Variants in ARHGEF26 observed in about 807,000 individuals in gnomAD.
ARHGEF26 encodes the protein Rho guanine nucleotide exchange factor (GEF) 26.
Under a neutral mutation model 89.4 loss-of-function variants are expected in ARHGEF26, and 59 were observed. That is an observed-to-expected ratio of 0.66 (90% CI 0.54 to 0.82). The LOEUF (loss-of-function observed/expected upper bound fraction) is 0.82. ARHGEF26 is among the 40% of genes least tolerant of loss of function. The pLI, the probability that ARHGEF26 is intolerant of heterozygous loss-of-function variation, is 0.00. For missense variants in ARHGEF26, 1,234 were observed against 1,085.6 expected (o/e 1.14, Z -1.92); for synonymous variants, 500 against 428.4 (o/e 1.17, Z -2.06).
At chr3:154,135,205 C>T (rs1718928073) in intron 4 of ARHGEF26, among the ~76,000 whole-genome samples, 1 of 152,052 alleles carries the variant, frequency 6.6e-6, no homozygotes, top group Non-Finnish European at 1.5e-5. Flanking sequence ...CTGCTTGGTC[C>T]TGGGCTTTTC....
intron 12 of ARHGEF26, among the ~76,000 whole-genome samples, chr3:154,243,004 G>C (rs143060307): frequency 1.3e-5 from 2 of 152,248 alleles, no homozygotes; most frequent in East Asian, 3.9e-4. Context: ...TGATCTGTGA[G>C]GTGACCAGCA....
At chr3:154,194,816 C>A in intron 9 of ARHGEF26, 98 bp downstream of exon 9, 2 of 1,001,530 alleles carry the variant, frequency 2.0e-6, no homozygotes, top group South Asian at 1.4e-5. Flanking sequence ...CTGGTAGAGT[C>A]TCACAGCCAT....
chr3:154,135,364 A>G (rs992530059), intron 4 of ARHGEF26, among the ~76,000 whole-genome samples: 11 of 152,062 alleles, frequency 7.2e-5, no homozygotes, highest in Non-Finnish European at 1.3e-4. Flanking sequence ...TTATGTGCCT[A>G]GAGGTATTCA....
In ARHGEF26 at chr3:154,122,113, C is replaced by T. The variant is rs1717974416; in HGVS notation, c.121C>T (p.Gln41Ter). 3 of 1,609,774 alleles carry T rather than the reference C, an allele frequency of 1.9e-6. No homozygotes were observed. The highest frequency in any genetic ancestry group is 1.7e-5 in the Admixed American group (1 of 59,426). Residue 41 changes from glutamine to a stop codon, truncating the protein, a stop_gained, in exon 2 of 15, where the codon CAG (glutamine) becomes TAG (stop). Transcript: ENST00000465093. LOFTEE classifies it high-confidence loss of function. ...GAGCAAGCCGAGGCCCCAGTCCTACCAGAGCCCCAACGGGTTACTAATTAC... is the reference window on the plus strand; with the variant it reads ...GAGCAAGCCGAGGCCCCAGTCCTACTAGAGCCCCAACGGGTTACTAATTAC... ...GRSKPRPQSYQSPNGLLITDF... is the reference protein window; with the variant it reads ...GRSKPRPQSY
intron 10 of ARHGEF26, among the ~76,000 whole-genome samples, chr3:154,222,775 G>A (rs2108255945): frequency 6.6e-6 from 1 of 152,192 alleles, no homozygotes; most frequent in Middle Eastern, 3.4e-3. Context: ...CAAAGTCAAG[G>A]GACCATTTTT....
chr3:154,203,835 GC>G (rs1253336683), intron 9 of ARHGEF26, among the ~76,000 whole-genome samples: 1 of 150,924 alleles, frequency 6.6e-6, no homozygotes, highest in Admixed American at 6.6e-5. Flanking sequence ...ATCCCGCTTG[GC>G]CATGATAATC....
intron 9 of ARHGEF26, among the ~76,000 whole-genome samples, chr3:154,205,332 T>G (rs372244839): frequency 3.3e-5 from 5 of 152,260 alleles, no homozygotes; most frequent in Non-Finnish European, 5.9e-5. Context: ...CTCCTGTTTT[T>G]TTTTGTTTTG....
chr3:154,257,065 G>GCTAA lies in ARHGEF26; in HGVS notation c.*1596_*1599dup. On this transcript the variant is annotated 3_prime_UTR_variant, in exon 15 of 15. Transcript: ENST00000465093. ...ATGTGACATGTCCCAACTACTGTCC[G>GCTAA]CTAACTAGTTATCCAAATTGTAAAG... 5.2e-6 allele frequency: 7 copies of GCTAA among 1,345,854 alleles called. No individual in the cohort carries two copies. The highest frequency in any genetic ancestry group is 3.2e-5 in the Admixed American group (1 of 31,262). 83.4% of individuals were successfully genotyped at this position (1,345,854 alleles called of 1,614,324 possible). A position where few individuals can be genotyped will look rare whatever the true frequency, so the allele number is the denominator to read the frequency against.
rs561292731 is a variant in ARHGEF26, at chr3:154,245,688, C to T, written c.2300+5109C>T. On this transcript the variant is annotated intron_variant, in intron 12 of 14. Transcript: ENST00000465093. ...TTCCCCTCATGTTTTCTGTCTCACC[C>T]ACCCTCCACTGTATGACTCCAAACT... Among the ~76,000 whole-genome samples the T allele has an allele frequency of 5.3e-5, 8 of 152,322 alleles. No homozygotes were observed. In the South Asian group the frequency reaches 1.5e-3, roughly 28 times the overall value.
At chr3:154,242,087 G>C (rs1315220071) in intron 12 of ARHGEF26, among the ~76,000 whole-genome samples, 1 of 152,216 alleles carries the variant, frequency 6.6e-6, no homozygotes, top group African/African-American at 2.4e-5. Flanking sequence ...GGCACTAGAA[G>C]TAGCATTTCA....
intron 5 of ARHGEF26, among the ~76,000 whole-genome samples, chr3:154,152,428 GTTAA>G (rs1720077675): frequency 1.3e-5 from 2 of 152,222 alleles, no homozygotes; most frequent in African/African-American, 4.8e-5. Flanking sequence ...GACCCCAAAG[GTTAA>G]TTAATGTCTC....
At chr3:154,246,227 CAG>C (rs1328240263) in intron 12 of ARHGEF26, among the ~76,000 whole-genome samples, 2 of 152,100 alleles carry the variant, frequency 1.3e-5, no homozygotes, top group African/African-American at 2.4e-5. Context: ...TAGGAAAATG[CAG>C]AGTCAGAATG....
At chr3:154,192,869 G>A (rs1714036531) in intron 8 of ARHGEF26, among the ~76,000 whole-genome samples, 1 of 152,124 alleles carries the variant, frequency 6.6e-6, no homozygotes, top group South Asian at 2.1e-4. Context: ...TAAATAAAAT[G>A]CATTTTAAAC....
chr3:154,146,898 A>T (rs543379165), intron 4 of ARHGEF26, among the ~76,000 whole-genome samples: 1 of 152,358 alleles, frequency 6.6e-6, no homozygotes, highest in South Asian at 2.1e-4. Flanking sequence ...CAAAATCAAG[A>T]ACCTCACATT....
chr3:154,189,724 T>G (rs1576756630), intron 7 of ARHGEF26, among the ~76,000 whole-genome samples: 1 of 152,144 alleles, frequency 6.6e-6, no homozygotes, highest in South Asian at 2.1e-4. Context: ...AATGAGCAAA[T>G]GTACACTGTC....
chr3:154,211,148 C>T (rs939744236), intron 9 of ARHGEF26, among the ~76,000 whole-genome samples: 3 of 151,984 alleles, frequency 2.0e-5, no homozygotes, highest in African/African-American at 7.2e-5. Flanking sequence ...ACTTGGCTGC[C>T]ACAGCTGGTG....
chr3:154,234,498 A>C (rs1041809496), intron 11 of ARHGEF26, among the ~76,000 whole-genome samples: 1 of 152,216 alleles, frequency 6.6e-6, no homozygotes, highest in African/African-American at 2.4e-5. Flanking sequence ...CTTGGGTCCA[A>C]GGAAATATCC....
At position 154,122,394 on chromosome 3, in the gene ARHGEF26, C is replaced by G. The variant is rs749619756; in HGVS notation, c.402C>G (p.Thr134=). ...SPKSPANGAV[T]LPAPPPPPVL... is the part of the protein sequence containing the mutation. ...AATCCCCAGCAAATGGCGCGGTGACCTTGCCTGCGCCGCCGCCGCCGCCGG... is the reference window on the plus strand; with the variant it reads ...AATCCCCAGCAAATGGCGCGGTGACGTTGCCTGCGCCGCCGCCGCCGCCGG... The change falls in exon 2 of 15, where the codon ACC becomes ACG. Residue 134 remains threonine (T), a synonymous_variant. Transcript: ENST00000465093. 6.2e-7 allele frequency: 1 copy of G among 1,610,552 alleles called. No individual in the cohort carries two copies. Among genetic ancestry groups the G allele is most frequent in the Non-Finnish European group, 8.5e-7 (1 of 1,178,888 alleles).
intron 9 of ARHGEF26, among the ~76,000 whole-genome samples, chr3:154,200,271 T>C (rs556894970): frequency 1.3e-4 from 20 of 152,314 alleles, no homozygotes; most frequent in African/African-American, 4.8e-4. Flanking sequence ...TTTATTCTTC[T>C]GCATATGGAT....
Sources: allele counts gnomAD v4.1 joint callset (sites outside exome capture counted in the v4.1 genomes callset), GRCh38; gene constraint gnomAD v4.1.1; transcripts MANE v1.5; gene names NCBI Gene and HGNC (gene_info 2026-07-23, HGNC 2026-07-21).